The following LRRC37A3 variants were observed in gnomAD, a reference collection of about 807,000 sequenced individuals.
LRRC37A3 encodes leucine rich repeat containing 37 member A3.
In LRRC37A3, 25 loss-of-function variants were observed where a neutral mutation model predicts 106.2. The observed-to-expected ratio is 0.24, with a 90% CI of 0.17 to 0.33. The LOEUF (loss-of-function observed/expected upper bound fraction) is 0.33. Ranked by LOEUF, LRRC37A3 falls within the 10% of genes least tolerant of loss-of-function variation. The pLI, the probability that LRRC37A3 is intolerant of heterozygous loss-of-function variation, is 1.00. For missense variants in LRRC37A3, 712 were observed against 1,644.9 expected, an observed-to-expected ratio of 0.43 and a Z score of 9.81; for synonymous variants, 305 against 635.8, an observed-to-expected ratio of 0.48 and a Z score of 7.83.
chr17:64,877,703 A>G (rs1472579723), intron 8 of LRRC37A3, among the ~76,000 whole-genome samples: 1 of 152,210 alleles, frequency 6.6e-6, no homozygotes, highest in Non-Finnish European at 1.5e-5. Context: ...TAAATAGCAA[A>G]ATAATCTTGT....
chr17:64,858,257 C>A (rs1268584924), intron 13 of LRRC37A3, among the ~76,000 whole-genome samples: 39 of 152,184 alleles, frequency 2.6e-4, no homozygotes, highest in Admixed American at 2.6e-3. Flanking sequence ...TAAAAGATGG[C>A]TACTCTGTAG....
chr17:64,880,387 G>T lies in LRRC37A3; in HGVS notation c.2906+5699C>A, dbSNP rs185732146. Among the ~76,000 whole-genome samples the T allele has an allele frequency of 1.0e-3, 156 of 152,318 alleles. 1 individual carries two copies. Among genetic ancestry groups the T allele is most frequent in the South Asian group, 2.5e-3 (12 of 4,824 alleles). On this transcript the variant is annotated intron_variant, in intron 8 of 14. Transcript: ENST00000584306. ...GAACTTGAACTCCAGGGGCTCAAGC[G>T]ATTTGCCTGTCTTGGCCTCCTAAAG...
intron 11 of LRRC37A3, among the ~76,000 whole-genome samples, chr17:64,861,972 A>G (rs1427313651): frequency 6.6e-6 from 1 of 152,160 alleles, no homozygotes; most frequent in African/African-American, 2.4e-5. Context: ...GGGAGAACCC[A>G]GAATTGGGGC....
intron 10 of LRRC37A3, among the ~76,000 whole-genome samples, chr17:64,865,948 T>C (rs1973054206): frequency 6.6e-6 from 1 of 152,146 alleles, no homozygotes; most frequent in African/African-American, 2.4e-5. Flanking sequence ...AGACTGTAAA[T>C]GACCTGAGGT....
At chr17:64,874,409 G>A (rs182253673) in intron 8 of LRRC37A3, among the ~76,000 whole-genome samples, 2,210 of 150,152 alleles carry the variant, frequency 0.015, 51 homozygotes, top group African/African-American at 0.05. Context: ...CCCTCCGCCC[G>A]GCAGTCGCCC....
chr17:64,871,921 CA>C (rs1398672456), intron 8 of LRRC37A3: 1 of 152,202 alleles, frequency 6.6e-6, no homozygotes, highest in Non-Finnish European at 1.5e-5. Context: ...ATCACGAGGT[CA>C]GGGGATCGAG....
chr17:64,872,328 G>A (rs1973352380), intron 8 of LRRC37A3, among the ~76,000 whole-genome samples: 1 of 151,638 alleles, frequency 6.6e-6, no homozygotes, highest in African/African-American at 2.4e-5. Context: ...TGTAAGAATA[G>A]TGAGATTTGT....
At chr17:64,863,095 C>A in intron 10 of LRRC37A3, 77 bp from the exon 11 acceptor site, 4 of 1,574,490 alleles carry the variant, frequency 2.5e-6, no homozygotes, top group Non-Finnish European at 2.6e-6. Flanking sequence ...GCCAACACTA[C>A]CACAGGGGTG....
chr17:64,868,818 C>A (rs1189563307), intron 9 of LRRC37A3, among the ~76,000 whole-genome samples: 2 of 152,070 alleles, frequency 1.3e-5, no homozygotes, highest in African/African-American at 4.8e-5. Context: ...ATAATGAACA[C>A]CTTTTCCCCT....
intron 4 of LRRC37A3, among the ~76,000 whole-genome samples, chr17:64,893,853 C>T (rs910349122): frequency 6.7e-5 from 10 of 148,238 alleles, no homozygotes; most frequent in Non-Finnish European, 1.5e-4. Flanking sequence ...GGGGTTTCAC[C>T]ATGTTAGCCA....
In LRRC37A3 at chr17:64,859,870, C is replaced by T; in HGVS notation, c.4276G>A (p.Asp1426Asn). 1.2e-6 allele frequency: 2 copies of T among 1,613,066 alleles called. No homozygotes were observed. The highest frequency in any genetic ancestry group is 1.7e-6 in the Non-Finnish European group (2 of 1,179,846). ...AAGTTGAATGCAGTCCCAGCGGAAT[C>T]TGCCTCAGGAGGATGATTGTAGTTT... ...NTNYNHPPEA[D>N]SAGTAFNLGP... The change falls in exon 12 of 15, where the codon GAT (aspartate) becomes AAT (asparagine). Residue 1426 changes from aspartate (D) to asparagine (N), a missense_variant. Asp to Asn is a conservative substitution (Grantham distance 23). Transcript: ENST00000584306.
chr17:64,858,254 T>G (rs1972746717), intron 13 of LRRC37A3, among the ~76,000 whole-genome samples: 1 of 152,210 alleles, frequency 6.6e-6, no homozygotes, highest in Non-Finnish European at 1.5e-5. Flanking sequence ...TTGTAAAAGA[T>G]GGCTACTCTG....
intron 2 of LRRC37A3, among the ~76,000 whole-genome samples, chr17:64,917,012 G>A (rs1018650657): frequency 2.6e-5 from 4 of 151,364 alleles, no homozygotes; most frequent in African/African-American, 9.7e-5. Context: ...TTGGGAGGCC[G>A]AGGCGGGCAG....
chr17:64,917,841 G>A (rs1436067400), intron 2 of LRRC37A3, among the ~76,000 whole-genome samples: 4 of 145,526 alleles, frequency 2.7e-5, no homozygotes, highest in African/African-American at 8.5e-5. Flanking sequence ...AGTGGCGGGC[G>A]CCTGTAATCC....
chr17:64,879,874 G>C (rs1255944325), intron 8 of LRRC37A3, among the ~76,000 whole-genome samples: 1 of 152,012 alleles, frequency 6.6e-6, no homozygotes, highest in Non-Finnish European at 1.5e-5. Flanking sequence ...AGACCAGCCT[G>C]GGTAACAAAG....
At chr17:64,868,579 A>C in intron 9 of LRRC37A3, 43 bp from the exon 10 acceptor site, 2 of 1,566,064 alleles carry the variant, frequency 1.3e-6, no homozygotes, top group Non-Finnish European at 1.7e-6. Flanking sequence ...AGCCCCAATA[A>C]AAAATTCTGT....
chr17:64,918,462 G>A (rs1974753988), intron 2 of LRRC37A3, among the ~76,000 whole-genome samples: 2 of 152,012 alleles, frequency 1.3e-5, no homozygotes, highest in Non-Finnish European at 2.9e-5. Context: ...ATAAATATAA[G>A]AAAATCAGAT....
At chr17:64,866,477 G>A (rs1693190811) in intron 10 of LRRC37A3, among the ~76,000 whole-genome samples, 2 of 148,518 alleles carry the variant, frequency 1.3e-5, no homozygotes, top group Non-Finnish European at 3.0e-5. Context: ...GTGGGGGCTG[G>A]TGGCACAATT....
chr17:64,916,625 A>C (rs1031140274), intron 2 of LRRC37A3, among the ~76,000 whole-genome samples: 3 of 150,490 alleles, frequency 2.0e-5, no homozygotes, highest in South Asian at 2.1e-4. Context: ...AAAAAAAAAA[A>C]AAAAAAAAAC....
Sources: gnomAD v4.1 joint callset for allele counts (sites outside exome capture counted in the v4.1 genomes callset) on GRCh38, gnomAD v4.1.1 for gene constraint, MANE v1.5 for transcripts, NCBI Gene and HGNC (gene_info 2026-07-23, HGNC 2026-07-21) for gene names.